Variants in GALNT13 observed in about 807,000 individuals in gnomAD.
GALNT13 encodes the protein polypeptide N-acetylgalactosaminyltransferase 13, also known as UDP-GalNAc:polypeptide N-acetylgalactosaminyltransferase 13.
A neutral mutation model predicts 64.2 loss-of-function variants in GALNT13; 28 were observed. The observed-to-expected ratio is 0.44, with a 90% CI of 0.32 to 0.60. The LOEUF (loss-of-function observed/expected upper bound fraction) is 0.60. Among genes scored for constraint, GALNT13 ranks in the 20% least tolerant of loss-of-function variants. The pLI is 0.05. For missense variants in GALNT13, 577 were observed against 669.8 expected (o/e 0.86, Z 1.53); for synonymous variants, 214 against 224.6 (o/e 0.95, Z 0.42).
At chr2:153,547,561 T>A in the GALNT13 span, among the ~76,000 whole-genome samples, 1 of 152,222 alleles carries the variant, frequency 6.6e-6, no homozygotes, top group African/African-American at 2.4e-5. Flanking sequence ...ATAAAATTAA[T>A]GACAGTTTAT....
At chr2:153,736,277 T>C in the GALNT13 span, among the ~76,000 whole-genome samples, 3 of 152,130 alleles carry the variant, frequency 2.0e-5, no homozygotes, top group African/African-American at 7.2e-5. Flanking sequence ...GTTGCTACTG[T>C]TATTTTGATG....
At chr2:153,163,744 A>T in the GALNT13 span, among the ~76,000 whole-genome samples, 1 of 152,170 alleles carries the variant, frequency 6.6e-6, no homozygotes, top group Non-Finnish European at 1.5e-5. Context: ...GGCTGGCCGG[A>T]CGCGGAGGCT....
Position 154,427,247 on chromosome 2 carries a change from A to G in GALNT13, c.1396-11345A>G, listed in dbSNP as rs556263563. 2.3e-4 allele frequency among the ~76,000 whole-genome samples: 35 copies of G among 152,326 alleles called. No homozygotes were observed. The East Asian group carries it at 6.8e-3, about 29-fold the overall frequency. On this transcript the variant is annotated intron_variant, in intron 11 of 12. Coordinates refer to ENST00000392825, the MANE Select transcript of GALNT13 (RefSeq NM_052917.4). ...CTCCCAGTAACCCTGGTCCTGAGTGATACCTCTCAAGCTTAGGTTTGTGTA... is the reference window on the plus strand; with the variant it reads ...CTCCCAGTAACCCTGGTCCTGAGTGGTACCTCTCAAGCTTAGGTTTGTGTA...
At chr2:153,083,438 A>G in the GALNT13 span, among the ~76,000 whole-genome samples, 3 of 152,064 alleles carry the variant, frequency 2.0e-5, no homozygotes, top group Admixed American at 6.5e-5. Context: ...CTATTCTTGC[A>G]GGAGTAAGGT....
intron 4 of GALNT13, among the ~76,000 whole-genome samples, chr2:154,239,710 G>T (rs948238428): frequency 6.6e-6 from 1 of 152,004 alleles, no homozygotes; most frequent in East Asian, 1.9e-4. Flanking sequence ...AGTATCTTTT[G>T]TATTATAGAT....
At chr2:153,149,922 G>C in the GALNT13 span, among the ~76,000 whole-genome samples, 1 of 151,654 alleles carries the variant, frequency 6.6e-6, no homozygotes, top group East Asian at 1.9e-4. Context: ...AGAATGGCAG[G>C]GGTTTTTTTT....
At position 154,452,638 on chromosome 2, in the gene GALNT13, C is replaced by T. The variant is rs1701914584; in HGVS notation, c.*2087C>T. On this transcript the variant is annotated 3_prime_UTR_variant, in exon 13 of 13. Transcript: ENST00000392825. ...GCAGAATTTTAAATATGTGAAAGTT[C>T]ATTGTGGTCATGGTGAGAAAACTAA... The T allele has an allele frequency of 6.6e-6, 1 of 152,074 alleles. No individual in the cohort carries two copies. Among genetic ancestry groups the T allele is most frequent in the Non-Finnish European group, 1.5e-5 (1 of 68,016 alleles). The allele number at this position is 152,074 out of a possible 1,614,324, so 9.4% of individuals were successfully genotyped here.
the GALNT13 span, among the ~76,000 whole-genome samples, chr2:153,647,274 G>A: frequency 2.1e-4 from 32 of 152,288 alleles, no homozygotes; most frequent in African/African-American, 7.5e-4. Context: ...TTTGAGAAGT[G>A]TCTGTTCATA....
the GALNT13 span, among the ~76,000 whole-genome samples, chr2:153,303,729 T>C: frequency 6.6e-6 from 1 of 152,158 alleles, no homozygotes; most frequent in South Asian, 2.1e-4. Context: ...ATTCCTTCTA[T>C]ACTTAATTTA....
intron 8 of GALNT13, among the ~76,000 whole-genome samples, chr2:154,263,323 G>T (rs1483640033): frequency 4.6e-5 from 7 of 152,160 alleles, no homozygotes; most frequent in Admixed American, 4.6e-4. Context: ...TTTAGAGAAA[G>T]ATTAAATGAT....
chr2:153,430,074 A>G, the GALNT13 span, among the ~76,000 whole-genome samples: 1 of 152,138 alleles, frequency 6.6e-6, no homozygotes, highest in Non-Finnish European at 1.5e-5. Context: ...TATGTTTCAC[A>G]GTATGAGATG....
At chr2:153,733,111 T>C in the GALNT13 span, among the ~76,000 whole-genome samples, 1 of 152,128 alleles carries the variant, frequency 6.6e-6, no homozygotes, top group African/African-American at 2.4e-5. Flanking sequence ...GATAAGCTAA[T>C]GTCAACTACT....
intron 4 of GALNT13, among the ~76,000 whole-genome samples, chr2:154,165,369 C>G (rs2105681079): frequency 6.6e-6 from 1 of 151,812 alleles, no homozygotes; most frequent in South Asian, 2.1e-4. Context: ...TTTAATTTTT[C>G]TTGTTTTCTT....
At chr2:153,851,713 C>G in the GALNT13 span, among the ~76,000 whole-genome samples, 15,693 of 151,916 alleles carry the variant, frequency 0.1, 1,011 homozygotes, top group African/African-American at 0.17. Flanking sequence ...AGAAGAACAA[C>G]AACAACAAAA....
the GALNT13 span, among the ~76,000 whole-genome samples, chr2:153,730,742 AAC>A: frequency 6.6e-6 from 1 of 151,996 alleles, no homozygotes; most frequent in East Asian, 1.9e-4. Context: ...AAAAAACATA[AAC>A]ACACATTTCT....
chr2:154,305,998 A>C (rs531020096), intron 9 of GALNT13, among the ~76,000 whole-genome samples: 1 of 152,302 alleles, frequency 6.6e-6, no homozygotes, highest in South Asian at 2.1e-4. Flanking sequence ...CTTTCTGCTG[A>C]ATTATCCATG....
At chr2:153,497,912 GAA>G in the GALNT13 span, among the ~76,000 whole-genome samples, 2 of 152,184 alleles carry the variant, frequency 1.3e-5, no homozygotes, top group Non-Finnish European at 2.9e-5. Context: ...ATTTGGAAAA[GAA>G]AGAGTCAATA....
the GALNT13 span, among the ~76,000 whole-genome samples, chr2:153,515,455 T>C: frequency 6.6e-6 from 1 of 152,184 alleles, no homozygotes; most frequent in South Asian, 2.1e-4. Context: ...TCTCCCACCA[T>C]CAGCAAGCAC....
the GALNT13 span, among the ~76,000 whole-genome samples, chr2:153,820,413 A>T: frequency 2.0e-5 from 3 of 152,194 alleles, no homozygotes; most frequent in Non-Finnish European, 4.4e-5. Context: ...CAAAATGGTC[A>T]TCACTAATGC....
Sources: gnomAD v4.1 joint callset for allele counts (sites outside exome capture counted in the v4.1 genomes callset) on GRCh38, gnomAD v4.1.1 for gene constraint, MANE v1.5 for transcripts, NCBI Gene and HGNC (gene_info 2026-07-23, HGNC 2026-07-21) for gene names.